The following PDCD2L variants were observed in gnomAD, a reference collection of about 807,000 sequenced individuals.
PDCD2L encodes uS5 assembly chaperone PDCD2L.
In PDCD2L, 44 loss-of-function variants were observed where a neutral mutation model predicts 40.4. The observed-to-expected ratio is 1.09, with a 90% CI of 0.86 to 1.40. The LOEUF is 1.40. PDCD2L is among the 40% of genes most tolerant of loss of function. PDCD2L has a pLI of 0.00. For missense variants in PDCD2L, 470 were observed against 453.7 expected (o/e 1.04, Z -0.33); for synonymous variants, 194 against 174.6 (o/e 1.11, Z -0.88).
chr19:34,412,851 A>C (rs992844715), intron 4 of PDCD2L, among the ~76,000 whole-genome samples: 1 of 150,522 alleles, frequency 6.6e-6, no homozygotes, highest in Non-Finnish European at 1.5e-5. Flanking sequence ...GGCTCACCAC[A>C]GCCTTGCCTC....
rs1178616575 is a variant in PDCD2L, at chr19:34,404,942, C to G, written c.288C>G (p.Phe96Leu). Residue 96 changes from phenylalanine (F) to leucine (L), a missense_variant, in exon 3 of 7, where the codon TTC (phenylalanine) becomes TTG (leucine). By Grantham distance (22) the Phe-to-Leu change is conservative (BLOSUM62 0). Coordinates refer to ENST00000246535, the MANE Select transcript of PDCD2L (RefSeq NM_032346.2). ...CTTCACCCCGAAGCTGGAAGGTGTT[C>G]CGCTCCCAGTGCCTGCAGGTGCCAG... ...STGGARSWKV[F>L]RSQCLQVPER... The G allele has an allele frequency of 1.9e-6, 3 of 1,613,966 alleles. No individual in the cohort carries two copies. The highest frequency in any genetic ancestry group is 2.5e-6 in the Non-Finnish European group (3 of 1,180,010).
At chr19:34,425,675 T>C (rs977832882) in intron 6 of PDCD2L, among the ~76,000 whole-genome samples, 11 of 152,184 alleles carry the variant, frequency 7.2e-5, no homozygotes, top group Admixed American at 6.6e-4. Flanking sequence ...CCAAAAGCTA[T>C]GTATATCACA....
At chr19:34,413,046 A>AT (rs899394444) in intron 4 of PDCD2L, among the ~76,000 whole-genome samples, 4 of 142,514 alleles carry the variant, frequency 2.8e-5, no homozygotes, top group African/African-American at 1.1e-4. Context: ...GGCCTGAGAA[A>AT]TTTTTTTTTG....
At chr19:34,407,703 TTGGGAATATATA>T (rs1267777084) in intron 3 of PDCD2L, among the ~76,000 whole-genome samples, 1 of 152,292 alleles carries the variant, frequency 6.6e-6, no homozygotes, top group East Asian at 1.9e-4. Flanking sequence ...ATTTTCCTGT[TTGGGAATATATA>T]TGGGTGTGTA....
chr19:34,409,026 A>G (rs1237648494), intron 3 of PDCD2L, 135 bp from the exon 4 acceptor site: 8 of 720,974 alleles, frequency 1.1e-5, no homozygotes, highest in Non-Finnish European at 1.6e-5. Flanking sequence ...AGAAAGTTTG[A>G]TTGGAGTGTA....
At chr19:34,416,933 G>A (rs1024988303) in intron 5 of PDCD2L, among the ~76,000 whole-genome samples, 9 of 152,204 alleles carry the variant, frequency 5.9e-5, no homozygotes, top group Non-Finnish European at 1.3e-4. Flanking sequence ...AGCCAACATG[G>A]TGAAACCCTG....
rs1361498958 is a variant in PDCD2L at position 34,404,424 on chromosome 19, G to C, written c.-7G>C. 8 of 1,539,662 alleles carry C rather than the reference G, an allele frequency of 5.2e-6. No individual in the cohort carries two copies. The highest frequency in any genetic ancestry group is 6.1e-6 in the Non-Finnish European group (7 of 1,143,866). On this transcript the variant is annotated 5_prime_UTR_variant, in exon 1 of 7. Transcript: ENST00000246535. ...AGTTTGCGTTTTCACCTGGTCGCCC[G>C]GCGGCCATGGCGGCCGTTCTGAAGC...
At chr19:34,424,620 G>C (rs1241550365) in intron 6 of PDCD2L, among the ~76,000 whole-genome samples, 1 of 152,126 alleles carries the variant, frequency 6.6e-6, no homozygotes, top group African/African-American at 2.4e-5. Flanking sequence ...TCCAGCACTT[G>C]GGAGAGGCCG....
At chr19:34,423,754 G>A (rs113638663) in intron 6 of PDCD2L, among the ~76,000 whole-genome samples, 72 of 151,544 alleles carry the variant, frequency 4.8e-4, no homozygotes, top group African/African-American at 1.7e-3. Flanking sequence ...CTCCCAAAGT[G>A]CTGGGATTTA....
intron 3 of PDCD2L, among the ~76,000 whole-genome samples, chr19:34,405,563 C>T (rs1170208530): frequency 1.3e-5 from 2 of 151,708 alleles, no homozygotes; most frequent in Non-Finnish European, 2.9e-5. Context: ...TGTGATCCCA[C>T]CGTTTTTTGA....
At chr19:34,421,706 G>T in intron 6 of PDCD2L, 39 bp downstream of exon 6, 1 of 1,532,176 alleles carries the variant, frequency 6.5e-7, no homozygotes, top group Non-Finnish European at 8.8e-7. Context: ...GTGGATTTCT[G>T]GCATTATTTT....
chr19:34,410,212 T>G (rs756787079), intron 4 of PDCD2L, among the ~76,000 whole-genome samples: 6 of 152,186 alleles, frequency 3.9e-5, no homozygotes, highest in Non-Finnish European at 7.3e-5. Context: ...CAATCTATCT[T>G]AGTTTCCCAA....
At chr19:34,413,327 A>ATT (rs34915589) in intron 4 of PDCD2L, among the ~76,000 whole-genome samples, 1,469 of 98,782 alleles carry the variant, frequency 0.015, 54 homozygotes, top group East Asian at 0.069. Context: ...GGCGTGATTG[A>ATT]TTTTTTTTTT....
chr19:34,421,371 C>A, intron 5 of PDCD2L, 148 bp from the exon 6 acceptor site: 1 of 830,874 alleles, frequency 1.2e-6, no homozygotes, highest in Non-Finnish European at 1.9e-6. Flanking sequence ...TTCCAGATAT[C>A]TTGCTATGCT....
At chr19:34,409,570 T>C (rs1238441899) in intron 4 of PDCD2L, 60 bp downstream of exon 4, 4 of 1,463,598 alleles carry the variant, frequency 2.7e-6, no homozygotes, top group Non-Finnish European at 3.8e-6. Flanking sequence ...CCACAAGAGT[T>C]ACCCTTCAGT....
At chr19:34,425,344 G>A (rs182244167) in intron 6 of PDCD2L, among the ~76,000 whole-genome samples, 46 of 147,302 alleles carry the variant, frequency 3.1e-4, no homozygotes, top group Admixed American at 2.7e-3. Context: ...TCTATCACCC[G>A]GGCCAGAGTA....
chr19:34,420,035 A>C (rs535179398), intron 5 of PDCD2L, among the ~76,000 whole-genome samples: 2 of 152,008 alleles, frequency 1.3e-5, no homozygotes, highest in East Asian at 3.9e-4. Context: ...TCCAGGCTGG[A>C]GTGCAGTGGA....
chr19:34,411,866 G>A (rs984247220), intron 4 of PDCD2L, among the ~76,000 whole-genome samples: 2 of 150,796 alleles, frequency 1.3e-5, no homozygotes, highest in Admixed American at 1.3e-4. Context: ...TGTTGGCCAG[G>A]CTGGTCTCAA....
chr19:34,420,280 G>C (rs962006414), intron 5 of PDCD2L, among the ~76,000 whole-genome samples: 1 of 150,988 alleles, frequency 6.6e-6, no homozygotes, highest in East Asian at 2.0e-4. Flanking sequence ...CCTGAGCCAC[G>C]GTACCCGGCC....
Sources: allele counts gnomAD v4.1 joint callset (sites outside exome capture counted in the v4.1 genomes callset), GRCh38; gene constraint gnomAD v4.1.1; transcripts MANE v1.5; gene names NCBI Gene and HGNC (gene_info 2026-07-23, HGNC 2026-07-21).